The following ADAMTS3 variants were observed in gnomAD, a reference collection of about 807,000 sequenced individuals.
The protein encoded by ADAMTS3 is ADAM metallopeptidase with thrombospondin type 1 motif 3, also known as A disintegrin and metalloproteinase with thrombospondin motifs 3.
In ADAMTS3, 73 loss-of-function variants were observed where a neutral mutation model predicts 129.0. The ratio of observed to expected loss-of-function variants is 0.57; its 90% CI spans 0.47 to 0.69. The LOEUF (loss-of-function observed/expected upper bound fraction) is 0.69, where lower values mean the gene tolerates loss of function less well. ADAMTS3 is among the 30% of genes least tolerant of loss of function. The pLI, the probability that ADAMTS3 is intolerant of heterozygous loss-of-function variation, is 0.00. For missense variants in ADAMTS3, 1,457 were observed against 1,514.5 expected (o/e 0.96, Z 0.63); for synonymous variants, 477 against 510.8 (o/e 0.93, Z 0.89).
intron 1 of ADAMTS3, among the ~76,000 whole-genome samples, chr4:72,568,365 G>C (rs912090877): frequency 6.6e-6 from 1 of 152,164 alleles, no homozygotes; most frequent in South Asian, 2.1e-4. Context: ...CCGCCCTCCA[G>C]AAAGGGGAAG....
At chr4:72,546,855 T>C (rs1249066925) in intron 3 of ADAMTS3, among the ~76,000 whole-genome samples, 1 of 152,120 alleles carries the variant, frequency 6.6e-6, no homozygotes, top group African/African-American at 2.4e-5. Context: ...AAGAAGTGTG[T>C]AAAATGCCTG....
intron 10 of ADAMTS3, among the ~76,000 whole-genome samples, chr4:72,317,332 G>A (rs983562246): frequency 3.3e-5 from 5 of 152,122 alleles, no homozygotes; most frequent in Non-Finnish European, 7.4e-5. Context: ...GGAGCTCACA[G>A]TGTATACCTT....
chr4:72,312,528 G>A, intron 12 of ADAMTS3, 62 bp from the exon 13 acceptor site: 2 of 1,553,426 alleles, frequency 1.3e-6, no homozygotes, highest in Non-Finnish European at 1.8e-6. Flanking sequence ...GAAGCTTGCA[G>A]ACACAGTGCT....
chr4:72,300,431 A>G (rs533028242), intron 17 of ADAMTS3, among the ~76,000 whole-genome samples: 7 of 152,146 alleles, frequency 4.6e-5, no homozygotes, highest in African/African-American at 1.7e-4. Flanking sequence ...AAAGAATACA[A>G]TGTAATTATA....
chr4:72,410,930 G>C (rs980768069), intron 4 of ADAMTS3, among the ~76,000 whole-genome samples: 1 of 152,020 alleles, frequency 6.6e-6, no homozygotes, highest in African/African-American at 2.4e-5. Context: ...TAATGAAAAG[G>C]ATGCTATTCG....
chr4:72,443,464 C>A (rs940004550), intron 3 of ADAMTS3, among the ~76,000 whole-genome samples: 6 of 151,766 alleles, frequency 4.0e-5, no homozygotes, highest in African/African-American at 1.4e-4. Flanking sequence ...TAGACAATTA[C>A]CTGATTGAGA....
At chr4:72,421,387 G>T (rs976808623) in intron 3 of ADAMTS3, among the ~76,000 whole-genome samples, 1 of 152,220 alleles carries the variant, frequency 6.6e-6, no homozygotes, top group Non-Finnish European at 1.5e-5. Flanking sequence ...ATATCCCAGG[G>T]TCTAGCACAG....
At position 72,534,781 on chromosome 4, in the gene ADAMTS3, A is replaced by G. The variant is rs572818773; in HGVS notation, c.504+13697T>C. Among the ~76,000 whole-genome samples, 7 of 152,326 alleles carry G rather than the reference A, an allele frequency of 4.6e-5. No homozygotes were observed. In the East Asian group the frequency reaches 1.2e-3, roughly 25 times the overall value. The stretch of plus-strand genomic sequence containing the variant: ...GCCCATATTTCAAACATTCTCATAG[A>G]TGAACATGTTCCTAATTTTTTTTCC... On this transcript the variant is annotated intron_variant, in intron 3 of 21. Coordinates refer to ENST00000286657, the MANE Select transcript of ADAMTS3 (RefSeq NM_014243.3).
intron 4 of ADAMTS3, among the ~76,000 whole-genome samples, chr4:72,364,597 G>C (rs1168215791): frequency 6.7e-6 from 1 of 148,880 alleles, no homozygotes; most frequent in Non-Finnish European, 1.5e-5. Context: ...CTGGGTGATA[G>C]AGCAAGACTC....
chr4:72,309,161 T>C (rs1194752934), intron 15 of ADAMTS3, among the ~76,000 whole-genome samples: 1 of 151,968 alleles, frequency 6.6e-6, no homozygotes, highest in African/African-American at 2.4e-5. Context: ...TTTTACTTGT[T>C]TCTTTTCTAA....
At chr4:72,509,074 C>T (rs1720240890) in intron 3 of ADAMTS3, among the ~76,000 whole-genome samples, 6 of 151,648 alleles carry the variant, frequency 4.0e-5, no homozygotes, top group Admixed American at 3.9e-4. Context: ...TTTCTTGAAA[C>T]AAATGATAAT....
chr4:72,549,966 A>AG (rs1721572758), intron 2 of ADAMTS3, among the ~76,000 whole-genome samples: 1 of 23,416 alleles, frequency 4.3e-5, no homozygotes, highest in South Asian at 1.0e-3. Flanking sequence ...AAAAAAAAAG[A>AG]AGAAGAAGAA....
Position 72,417,931 on chromosome 4 carries a change from T to TTAAAAAAAAAAAAAA in ADAMTS3, c.505-2961_505-2960insTTTTTTTTTTTTTTA, listed in dbSNP as rs76545577. On this transcript the variant is annotated intron_variant, in intron 3 of 21. Coordinates refer to ENST00000286657, the MANE Select transcript of ADAMTS3 (RefSeq NM_014243.3). ...CTGGGCGACAGAGGGAGACTCCATC[T>TTAAAAAAAAAAAAAA]CAAAAAAAAAAAAGTAAGTACTTTA... Among the ~76,000 whole-genome samples the TTAAAAAAAAAAAAAA allele has an allele frequency of 5.6e-3, 564 of 100,600 alleles. 120 individuals are homozygous for TTAAAAAAAAAAAAAA. Among genetic ancestry groups the TTAAAAAAAAAAAAAA allele is most frequent in the South Asian group, 0.01 (25 of 2,392 alleles). The allele number at this position is 100,600 out of a possible 152,430, so 66.0% of individuals were successfully genotyped here.
intron 2 of ADAMTS3, among the ~76,000 whole-genome samples, chr4:72,553,118 T>G (rs1237068926): frequency 8.3e-5 from 3 of 35,994 alleles, no homozygotes; most frequent in Non-Finnish European, 1.2e-4. Flanking sequence ...TGCATCTTCT[T>G]TTGGCTAAAT....
At chr4:72,529,903 AAAT>A (rs1243454280) in intron 3 of ADAMTS3, among the ~76,000 whole-genome samples, 2 of 60,368 alleles carry the variant, frequency 3.3e-5, no homozygotes, top group Non-Finnish European at 5.7e-5. Context: ...TATTATATAT[AAAT>A]AATATATATT....
chr4:72,503,667 C>T (rs1001259049), intron 3 of ADAMTS3, among the ~76,000 whole-genome samples: 4 of 152,136 alleles, frequency 2.6e-5, no homozygotes, highest in Admixed American at 6.6e-5. Flanking sequence ...TAGCTTTCTG[C>T]CTCAATGAGC....
chr4:72,507,257 C>G (rs1351588506), intron 3 of ADAMTS3, among the ~76,000 whole-genome samples: 1 of 152,122 alleles, frequency 6.6e-6, no homozygotes, highest in South Asian at 2.1e-4. Context: ...CCTTCCTCTT[C>G]TTGTGACAAC....
At chr4:72,527,400 A>AACTT in intron 3 of ADAMTS3, among the ~76,000 whole-genome samples, 1 of 152,326 alleles carries the variant, frequency 6.6e-6, no homozygotes, top group African/African-American at 2.4e-5. Flanking sequence ...TTAAAAAAGT[A>AACTT]ACACCTGTAT....
chr4:72,304,016 C>G lies in ADAMTS3; in HGVS notation c.2325G>C (p.Arg775=). The G allele has an allele frequency of 6.2e-7, 1 of 1,613,738 alleles. No individual in the cohort carries two copies. Among genetic ancestry groups the G allele is most frequent in the Non-Finnish European group, 8.5e-7 (1 of 1,179,754 alleles). Reference sequence around the variant, plus strand: ...ACTCCACACCAAGATCTATGAAGGTCCGCGACTTGGCTTCCTCCCCTTTGC... The same window carrying G: ...ACTCCACACCAAGATCTATGAAGGTGCGCGACTTGGCTTCCTCCCCTTTGC... ...LNGKGEEAKS[R]TFIDLGVEWD... is the part of the protein sequence containing the mutation. Residue 775 remains arginine, a synonymous_variant, in exon 17 of 22, where the codon CGG becomes CGC. Coordinates refer to ENST00000286657, the MANE Select transcript of ADAMTS3 (RefSeq NM_014243.3).
Sources: allele counts gnomAD v4.1 joint callset (sites outside exome capture counted in the v4.1 genomes callset), GRCh38; gene constraint gnomAD v4.1.1; transcripts MANE v1.5; gene names NCBI Gene and HGNC (gene_info 2026-07-23, HGNC 2026-07-21).